The following GGA3 variants were observed in gnomAD, a reference collection of about 807,000 sequenced individuals.
GGA3 encodes ADP-ribosylation factor-binding protein GGA3.
Under a neutral mutation model 77.5 loss-of-function variants are expected in GGA3, and 57 were observed. That is an observed-to-expected ratio of 0.74 (90% CI 0.59 to 0.92). The LOEUF (loss-of-function observed/expected upper bound fraction) is 0.92. GGA3 is among the 40% of genes least tolerant of loss of function. The probability of loss-of-function intolerance (pLI) is 0.00; values close to 1 mark genes in which losing one functional copy is unlikely to be tolerated. For missense variants in GGA3, 970 were observed against 914.9 expected, an observed-to-expected ratio of 1.06 and a Z score of -0.78; for synonymous variants, 416 against 383.7, an observed-to-expected ratio of 1.08 and a Z score of -0.98.
In GGA3 at chr17:75,237,629, AGG is replaced by A. The variant is rs2076365220; in HGVS notation, c.*648_*649del. On this transcript the variant is annotated 3_prime_UTR_variant, in exon 17 of 17. Coordinates refer to ENST00000537686, the MANE Select transcript of GGA3 (RefSeq NM_138619.4). The stretch of plus-strand genomic sequence containing the variant: ...TTCCATGTCCTGCCAAGATGTCCAT[AGG>A]ACACAGCCTGCCACTGCCAGGGACA... 4.0e-6 allele frequency: 6 copies of A among 1,517,352 alleles called. No homozygotes were observed. In the Admixed American group the frequency reaches 1.2e-4, roughly 30 times the overall value. The allele number at this position is 1,517,352 out of a possible 1,614,324, so 94.0% of individuals were successfully genotyped here. A position where few individuals can be genotyped will look rare whatever the true frequency, so the allele number is the denominator to read the frequency against.
chr17:75,262,233 G>C, upstream of GGA3: 1 of 636,754 alleles, frequency 1.6e-6, no homozygotes, highest in African/African-American at 1.8e-5. Flanking sequence ...TCAGATCTGG[G>C]ATCGCCTGTG....
rs931868574 is a variant in GGA3 at position 75,239,702 on chromosome 17, G to A, written c.1583+87C>T. 1.3e-5 allele frequency: 19 copies of A among 1,509,292 alleles called. No homozygotes were observed. In the African/African-American group the frequency reaches 1.8e-4, roughly 14 times the overall value. The allele number at this position is 1,509,292 out of a possible 1,614,324, so 93.5% of individuals were successfully genotyped here. On this transcript the variant is annotated intron_variant, in intron 13 of 16. Coordinates refer to ENST00000537686, the MANE Select transcript of GGA3 (RefSeq NM_138619.4). The stretch of plus-strand genomic sequence containing the variant: ...TCCAGCCTGACTGATGGGACTACAA[G>A]GCACCCCCACCCCTTCAAAGTTAGC...
At chr17:75,254,140 G>A (rs995380745) in intron 1 of GGA3, among the ~76,000 whole-genome samples, 8 of 151,650 alleles carry the variant, frequency 5.3e-5, no homozygotes, top group South Asian at 2.1e-4. Context: ...TTTCCCTCCC[G>A]CCTGTCCCCT....
chr17:75,244,416 C>T (rs2076682912), intron 4 of GGA3: 2 of 541,990 alleles, frequency 3.7e-6, no homozygotes, highest in Admixed American at 6.2e-5. Flanking sequence ...CAGATTTGGG[C>T]TGAGGGCGCT....
In GGA3 at chr17:75,241,470, A is replaced by G. The variant is rs1437642542; in HGVS notation, c.876T>C (p.Ser292=). Residue 292 remains serine, a synonymous_variant, in exon 10 of 17, where the codon TCT becomes TCC. Coordinates refer to ENST00000537686, the MANE Select transcript of GGA3 (RefSeq NM_138619.4). ...CCTGCCCTTCAATAATTGTTTTGTA[A>G]GAGTTGATGACCCGGGAGAGGTTGT... The part of the protein sequence containing the change: ...ASDNLSRVIN[S]YKTIIEGQVI... 3 of 1,613,958 alleles carry G rather than the reference A, an allele frequency of 1.9e-6. No homozygotes were observed.
chr17:75,248,823 A>ACC (rs770478091), intron 1 of GGA3: 1 of 847,296 alleles, frequency 1.2e-6, no homozygotes, highest in Non-Finnish European at 1.3e-6. Flanking sequence ...AAACAAAACA[A>ACC]AAAAAAAAAA....
Position 75,240,840 on chromosome 17 carries a change from GGA to G in GGA3, c.1162_1163del (p.Ser388LeufsTer17). On this transcript the variant is annotated frameshift_variant, in exon 11 of 17. Transcript: ENST00000537686. LOFTEE classifies it high-confidence loss of function. ...AGCAGAGTAGCTCCTCGTCCAGCCA[GGA>G]GAGGGCGTTGCTTGTGCTGCTGGGC... is the stretch of plus-strand genomic sequence containing the variant. ...LGPSSTSNAL[S>X]WLDEELLCLG... 6.2e-7 allele frequency: 1 copy of G among 1,612,868 alleles called. No individual in the cohort carries two copies. The highest frequency in any genetic ancestry group is 8.5e-7 in the Non-Finnish European group (1 of 1,179,818).
intron 1 of GGA3, among the ~76,000 whole-genome samples, chr17:75,252,961 C>T (rs1047787341): frequency 7.9e-5 from 12 of 152,214 alleles, no homozygotes; most frequent in Admixed American, 6.5e-5. Flanking sequence ...ACTCTCTTTT[C>T]GGACTCAGCC....
At chr17:75,246,447 C>T (rs984626691) in intron 3 of GGA3, 62 bp downstream of exon 3, 19 of 1,097,238 alleles carry the variant, frequency 1.7e-5, no homozygotes, top group Admixed American at 5.1e-5. Context: ...TATGGGGACA[C>T]GAGGAATGGC....
At position 75,243,241 on chromosome 17, in the gene GGA3, C is replaced by T. The variant is rs757430224; in HGVS notation, c.425-75G>A. 20 of 1,216,468 alleles carry T rather than the reference C, an allele frequency of 1.6e-5. No individual in the cohort carries two copies. The South Asian group carries it at 2.1e-4, about 13-fold the overall frequency. 75.4% of individuals were successfully genotyped at this position (1,216,468 alleles called of 1,614,324 possible). On this transcript the variant is annotated intron_variant, in intron 5 of 16. Transcript: ENST00000537686. ...ACCCCTCCTCATACACCAAGGGCCA[C>T]GTCCCTGTGATCAAGACCTGCAAAG... is the stretch of plus-strand genomic sequence containing the variant.
chr17:75,262,016 C>T, upstream of GGA3: 1 of 1,599,438 alleles, frequency 6.3e-7, no homozygotes, highest in Non-Finnish European at 8.5e-7. Context: ...CGGGGGGGCG[C>T]TGCGAGGAAG....
At chr17:75,262,003 C>CGG (rs200739528), upstream of GGA3, 4 of 1,450,532 alleles carry the variant, frequency 2.8e-6, no homozygotes, top group African/African-American at 7.0e-5. Flanking sequence ...TGGCGAGCAG[C>CGG]GGCGGGGGGG....
At chr17:75,260,270 T>C (rs2077309422) in intron 1 of GGA3, among the ~76,000 whole-genome samples, 1 of 152,258 alleles carries the variant, frequency 6.6e-6, no homozygotes. Flanking sequence ...TCCACTCTGG[T>C]TATAGCAAGT....
Position 75,237,386 on chromosome 17 carries a change from G to A in GGA3, c.*893C>T. 1 of 1,137,398 alleles carries A rather than the reference G, an allele frequency of 8.8e-7. No individual in the cohort carries two copies. Among genetic ancestry groups the A allele is most frequent in the Non-Finnish European group, 1.3e-6 (1 of 783,056 alleles). The allele number at this position is 1,137,398 out of a possible 1,614,324, so 70.5% of individuals were successfully genotyped here. A position where few individuals can be genotyped will look rare whatever the true frequency, so the allele number is the denominator to read the frequency against. On this transcript the variant is annotated 3_prime_UTR_variant, in exon 17 of 17. Transcript: ENST00000537686. ...CCACATGCCATCTGGTGAGAGGAGAGGGAGGCCAAAGCAGTAGGATGTAGA... is the reference window on the plus strand; with the variant it reads ...CCACATGCCATCTGGTGAGAGGAGAAGGAGGCCAAAGCAGTAGGATGTAGA...
chr17:75,237,231 C>G lies in GGA3; in HGVS notation c.*1048G>C, dbSNP rs536352264. The G allele has an allele frequency of 8.4e-6, 5 of 593,846 alleles. No individual in the cohort carries two copies. In the East Asian group the frequency reaches 1.4e-4, roughly 17 times the overall value. 36.8% of individuals were successfully genotyped at this position (593,846 alleles called of 1,614,324 possible). A position where few individuals can be genotyped will look rare whatever the true frequency, so the allele number is the denominator to read the frequency against. Reference sequence around the variant, plus strand: ...TGGCCCGATCTCATCACCTCCAGACCCAACATCTCGCTGACAGTGCCCCTC... The same window carrying G: ...TGGCCCGATCTCATCACCTCCAGACGCAACATCTCGCTGACAGTGCCCCTC... On this transcript the variant is annotated 3_prime_UTR_variant, in exon 17 of 17. Transcript: ENST00000537686.
At chr17:75,243,715 C>T (rs1038492116) in intron 4 of GGA3, 145 bp from the exon 5 acceptor site, 13 of 739,262 alleles carry the variant, frequency 1.8e-5, no homozygotes, top group East Asian at 5.4e-5. Context: ...TGTGAGACAG[C>T]GTGGGGAGGG....
At chr17:75,245,474 C>G (rs2076722014) in intron 3 of GGA3, among the ~76,000 whole-genome samples, 1 of 152,156 alleles carries the variant, frequency 6.6e-6, no homozygotes, top group Non-Finnish European at 1.5e-5. Context: ...TTTCCAGACA[C>G]TGCCAAATGT....
In GGA3 at chr17:75,261,568, TC is replaced by T; in HGVS notation, c.19del (p.Glu7LysfsTer23). 1 of 1,554,018 alleles carries T rather than the reference TC, an allele frequency of 6.4e-7. No homozygotes were observed. The highest frequency in any genetic ancestry group is 8.7e-7 in the Non-Finnish European group (1 of 1,152,310). MAEAEGESLESWLNKAT... is the reference protein window; with the variant it reads MAEAEGXSLESWLNKAT... ...CTCACTGAGCCAGGACTCCAGGCTTTCCCCTTCCGCCTCCGCCATATTGCAG... is the reference window on the plus strand; with the variant it reads ...CTCACTGAGCCAGGACTCCAGGCTTTCCCTTCCGCCTCCGCCATATTGCAG... On this transcript the variant is annotated frameshift_variant, in exon 1 of 17. Transcript: ENST00000537686. LOFTEE classifies it high-confidence loss of function.
chr17:75,241,834 G>A (rs1040703189), intron 8 of GGA3, 138 bp from the exon 9 acceptor site: 13 of 748,374 alleles, frequency 1.7e-5, no homozygotes, highest in Non-Finnish European at 2.3e-5. Flanking sequence ...GGATCACAGC[G>A]CACGTCTTCT....
Sources: allele counts gnomAD v4.1 joint callset (sites outside exome capture counted in the v4.1 genomes callset), GRCh38; gene constraint gnomAD v4.1.1; transcripts MANE v1.5; gene names NCBI Gene and HGNC (gene_info 2026-07-23, HGNC 2026-07-21).